The following STPG2 variants were observed in gnomAD, a reference collection of about 807,000 sequenced individuals.
STPG2 encodes the protein sperm-tail PG-rich repeat-containing protein 2.
STPG2 carries 56 observed loss-of-function variants against 54.2 expected under a neutral mutation model. The ratio of observed to expected loss-of-function variants is 1.03; its 90% CI spans 0.83 to 1.29. The LOEUF is 1.29. Ranked by LOEUF, STPG2 falls within the 50% of genes most tolerant of loss-of-function variation. STPG2 has a pLI of 0.00. For synonymous variants in STPG2, 200 were observed against 181.8 expected (o/e 1.10, Z -0.81); for missense variants, 596 against 544.9 (o/e 1.09, Z -0.93).
intron 10 of STPG2, among the ~76,000 whole-genome samples, chr4:97,601,738 T>C (rs867906346): frequency 8.5e-5 from 13 of 152,076 alleles, no homozygotes; most frequent in Middle Eastern, 3.4e-3. Flanking sequence ...TAAAATCTTG[T>C]AATGTGGTAT....
chr4:98,142,967 CA>C, intron 1 of STPG2, 74 bp downstream of exon 1: 1 of 1,304,258 alleles, frequency 7.7e-7, no homozygotes. Flanking sequence ...ATGTTTAACT[CA>C]CAAGCACGCA....
At chr4:98,123,186 A>G (rs1739731837) in intron 3 of STPG2, among the ~76,000 whole-genome samples, 1 of 151,984 alleles carries the variant, frequency 6.6e-6, no homozygotes, top group South Asian at 2.1e-4. Context: ...TCATGTCTCT[A>G]TCTCCTTCAG....
At chr4:98,024,339 T>C (rs942404510) in intron 5 of STPG2, among the ~76,000 whole-genome samples, 3 of 152,194 alleles carry the variant, frequency 2.0e-5, no homozygotes, top group Non-Finnish European at 2.9e-5. Flanking sequence ...TTATCAAATG[T>C]TTTCCATGAA....
At chr4:98,018,932 G>A (rs77125818) in intron 5 of STPG2, among the ~76,000 whole-genome samples, 41,319 of 151,228 alleles carry the variant, frequency 0.27, 5,932 homozygotes, top group Middle Eastern at 0.36. Context: ...TTTGTCAGAT[G>A]AGTAGGTTGC....
chr4:97,464,948 T>C (rs902898651), intron 4 of STPG2, among the ~76,000 whole-genome samples: 2 of 152,146 alleles, frequency 1.3e-5, no homozygotes, highest in African/African-American at 4.8e-5. Flanking sequence ...GTTTCAGAAT[T>C]GTATTAGGTT....
chr4:97,683,250 C>T lies in STPG2; in HGVS notation c.1320+29449G>A, dbSNP rs180682605. ...AATGATGCATACATAGAATTACATACACAAAAGGAAGCTATTCAACAGTCA... is the reference window on the plus strand; with the variant it reads ...AATGATGCATACATAGAATTACATATACAAAAGGAAGCTATTCAACAGTCA... On this transcript the variant is annotated intron_variant, in intron 10 of 10. Coordinates refer to ENST00000295268, the MANE Select transcript of STPG2 (RefSeq NM_174952.3). 2.0e-5 allele frequency among the ~76,000 whole-genome samples: 3 copies of T among 151,886 alleles called. No individual in the cohort carries two copies. In the East Asian group the frequency reaches 5.8e-4, roughly 29 times the overall value.
At chr4:98,076,962 C>A (rs1157698461) in intron 5 of STPG2, among the ~76,000 whole-genome samples, 1 of 152,062 alleles carries the variant, frequency 6.6e-6, no homozygotes, top group Non-Finnish European at 1.5e-5. Flanking sequence ...CAAAATGATA[C>A]TATTTCTAAC....
intron 4 of STPG2, among the ~76,000 whole-genome samples, chr4:97,513,016 T>C (rs985528619): frequency 2.0e-5 from 3 of 152,094 alleles, no homozygotes; most frequent in Non-Finnish European, 4.4e-5. Context: ...CAGATGCTGG[T>C]TGCAAGAACA....
At chr4:97,810,138 C>T (rs1004969159) in intron 9 of STPG2, among the ~76,000 whole-genome samples, 2 of 151,918 alleles carry the variant, frequency 1.3e-5, no homozygotes, top group African/African-American at 4.8e-5. Flanking sequence ...TTTTGCTGCC[C>T]ATATTTACAT....
At chr4:97,742,861 A>G (rs185629506) in intron 9 of STPG2, among the ~76,000 whole-genome samples, 1 of 151,736 alleles carries the variant, frequency 6.6e-6, no homozygotes, top group East Asian at 1.9e-4. Context: ...GATAGTTAAT[A>G]ATATTGCATT....
chr4:98,039,071 T>G (rs560444209), intron 5 of STPG2, among the ~76,000 whole-genome samples: 182 of 152,094 alleles, frequency 1.2e-3, no homozygotes, highest in Middle Eastern at 6.8e-3. Flanking sequence ...AAATTGGTAA[T>G]AGCTAATAAA....
chr4:97,800,739 G>T (rs1727366487), intron 9 of STPG2, among the ~76,000 whole-genome samples: 5 of 152,172 alleles, frequency 3.3e-5, no homozygotes, highest in Admixed American at 3.3e-4. Context: ...GTCTGCAGTG[G>T]TTTCTGCCGC....
chr4:97,991,337 T>A (rs1023884863), intron 5 of STPG2, among the ~76,000 whole-genome samples: 1 of 151,324 alleles, frequency 6.6e-6, no homozygotes, highest in Admixed American at 6.6e-5. Flanking sequence ...TACACATATA[T>A]ATATGTGTGT....
chr4:98,043,989 A>G lies in STPG2; in HGVS notation c.612+61964T>C, dbSNP rs1184182354. Among the ~76,000 whole-genome samples, 3 of 151,852 alleles carry G rather than the reference A, an allele frequency of 2.0e-5. No individual in the cohort carries two copies. The East Asian group carries it at 5.8e-4, about 30-fold the overall frequency. On this transcript the variant is annotated intron_variant, in intron 5 of 10. Transcript: ENST00000295268. ...TTCTTTGTGTTCATGAGTTCTCATCACTTAGCTCCCACTTATATGTGAGGA... is the reference window on the plus strand; with the variant it reads ...TTCTTTGTGTTCATGAGTTCTCATCGCTTAGCTCCCACTTATATGTGAGGA...
intron 7 of STPG2, among the ~76,000 whole-genome samples, chr4:97,948,416 A>C (rs759490093): frequency 1.3e-5 from 2 of 151,818 alleles, no homozygotes; most frequent in African/African-American, 2.4e-5. Context: ...GTTCAAATAC[A>C]TGTAGTTCTA....
At chr4:97,515,067 G>A (rs1054934055) in intron 4 of STPG2, among the ~76,000 whole-genome samples, 4 of 152,028 alleles carry the variant, frequency 2.6e-5, no homozygotes, top group African/African-American at 7.2e-5. Context: ...TAAGATGAAC[G>A]TGAGACGTGA....
intron 10 of STPG2, among the ~76,000 whole-genome samples, chr4:97,678,073 T>C (rs1454811010): frequency 2.6e-5 from 4 of 152,066 alleles, no homozygotes; most frequent in African/African-American, 9.7e-5. Flanking sequence ...AGTAATTATA[T>C]GTGTGAACAT....
chr4:98,010,519 CTA>C (rs1294676644), intron 5 of STPG2, among the ~76,000 whole-genome samples: 2 of 152,106 alleles, frequency 1.3e-5, no homozygotes, highest in Non-Finnish European at 2.9e-5. Context: ...GTCCTTAAAC[CTA>C]AAGTGTGCCT....
chr4:97,493,493 T>C (rs1454904653), intron 4 of STPG2, among the ~76,000 whole-genome samples: 2 of 150,992 alleles, frequency 1.3e-5, no homozygotes, highest in Non-Finnish European at 3.0e-5. Flanking sequence ...TTAAGGGAAG[T>C]GAGAAAACTG....
Sources: gnomAD v4.1 joint callset for allele counts (sites outside exome capture counted in the v4.1 genomes callset) on GRCh38, gnomAD v4.1.1 for gene constraint, MANE v1.5 for transcripts, NCBI Gene and HGNC (gene_info 2026-07-23, HGNC 2026-07-21) for gene names.